TGFB1: variants seen among roughly 807,000 people sequenced by gnomAD.
The protein encoded by TGFB1 is transforming growth factor beta 1, also known as transforming growth factor beta-1 proprotein.
In TGFB1, 19 loss-of-function variants were observed where a neutral mutation model predicts 43.8. The ratio of observed to expected loss-of-function variants is 0.43; its 90% CI spans 0.30 to 0.64. The LOEUF (loss-of-function observed/expected upper bound fraction) is 0.64. TGFB1 is among the 30% of genes least tolerant of loss of function. The probability of loss-of-function intolerance (pLI) is 0.11; values close to 1 mark genes in which losing one functional copy is unlikely to be tolerated. For missense variants in TGFB1, 445 were observed against 529.8 expected (o/e 0.84, Z 1.57); for synonymous variants, 221 against 236.3 (o/e 0.94, Z 0.60).
chr19:41,351,017 A>G (rs889347090), intron 1 of TGFB1: 2 of 152,524 alleles, frequency 1.3e-5, no homozygotes, highest in Non-Finnish European at 2.9e-5. Context: ...GGGAGAGAAA[A>G]TAGTCGGAGA....
At chr19:41,351,811 T>C (rs555213249) in intron 1 of TGFB1, among the ~76,000 whole-genome samples, 60 of 37,592 alleles carry the variant, frequency 1.6e-3, no homozygotes, top group African/African-American at 8.5e-3. Flanking sequence ...GAATGCAGCG[T>C]GGATGGCGCT....
Position 41,330,994 on chromosome 19 carries a change from C to T in TGFB1, c.*58G>A. 3 of 960,102 alleles carry T rather than the reference C, an allele frequency of 3.1e-6. No individual in the cohort carries two copies. Among genetic ancestry groups the T allele is most frequent in the East Asian group, 9.1e-5 (1 of 10,980 alleles). 59.5% of individuals were successfully genotyped at this position (960,102 alleles called of 1,614,324 possible). A position where few individuals can be genotyped will look rare whatever the true frequency, so the allele number is the denominator to read the frequency against. ...AATACAGCCCCCATGGGCAAGGCAG[C>T]GGGGGCGGGGCGGGGTGGGGCCGGG... On this transcript the variant is annotated 3_prime_UTR_variant, in exon 7 of 7. Transcript: ENST00000221930.
intron 6 of TGFB1, chr19:41,331,926 C>A: frequency 1.5e-6 from 1 of 646,226 alleles, no homozygotes; most frequent in Non-Finnish European, 2.6e-6. Context: ...CATAGCTCAT[C>A]TCCCTCTGGC....
chr19:41,341,836 G>C (rs2038058879), intron 5 of TGFB1, 47 bp downstream of exon 5: 1 of 1,611,494 alleles, frequency 6.2e-7, no homozygotes, highest in African/African-American at 1.3e-5. Context: ...GCAGATGGCA[G>C]TCATGCCCCC....
intron 2 of TGFB1, among the ~76,000 whole-genome samples, chr19:41,345,623 T>C (rs1387246928): frequency 6.6e-6 from 1 of 150,708 alleles, no homozygotes; most frequent in Non-Finnish European, 1.5e-5. Context: ...TGATTCCGGC[T>C]GGGCACGGTG....
intron 2 of TGFB1, among the ~76,000 whole-genome samples, chr19:41,346,828 C>T (rs573234602): frequency 3.3e-5 from 5 of 151,996 alleles, no homozygotes; most frequent in South Asian, 2.1e-4. Flanking sequence ...TGGGGTCAAG[C>T]GATTCTCCCA....
At position 41,344,834 on chromosome 19, in the gene TGFB1, T is replaced by C; in HGVS notation, c.547A>G (p.Ser183Gly). 1 of 1,604,012 alleles carries C rather than the reference T, an allele frequency of 6.2e-7. No homozygotes were observed. The highest frequency in any genetic ancestry group is 8.5e-7 in the Non-Finnish European group (1 of 1,175,156). ...TCGCTGGGTGCCAGCAGCCGGTTGC[T>C]GAGGTATCGCCAGGAATTGTTGCTG... Reference protein sequence around the residue: ...KYSNNSWRYLSNRLLAPSDSP... With the variant: ...KYSNNSWRYLGNRLLAPSDSP... The change falls in exon 3 of 7, where the codon AGC becomes GGC. Residue 183 changes from serine to glycine, a missense_variant. By Grantham distance (56) the Ser-to-Gly change is moderately conservative. This residue lies in a region of TGFB1 where 366 missense variants were observed against 428.8 expected (regional missense o/e 0.85). Transcript: ENST00000221930.
At chr19:41,345,170 A>G (rs2038101883) in intron 2 of TGFB1, among the ~76,000 whole-genome samples, 2 of 152,198 alleles carry the variant, frequency 1.3e-5, no homozygotes, top group Middle Eastern at 3.2e-3. Context: ...AGCCCCACTC[A>G]GCGTGGACAG....
rs551552217 is a variant in TGFB1, at chr19:41,352,937, G to C, written c.108C>G (p.Ile36Met). Reference protein sequence around the residue: ...PAAGLSTCKTIDMELVKRKRI... With the variant: ...PAAGLSTCKTMDMELVKRKRI... ...GCTTCCGCTTCACCAGCTCCATGTC[G>C]ATAGTCTTGCAGGTGGATAGTCCCG... The change falls in exon 1 of 7, where the codon ATC becomes ATG. Residue 36 changes from isoleucine to methionine, a missense_variant. Ile to Met is a conservative substitution (Grantham distance 10). This residue lies in a region of TGFB1 where 366 missense variants were observed against 428.8 expected (regional missense o/e 0.85). Coordinates refer to ENST00000221930, the MANE Select transcript of TGFB1 (RefSeq NM_000660.7). The C allele has an allele frequency of 1.9e-6, 3 of 1,554,580 alleles. No homozygotes were observed. Among genetic ancestry groups the C allele is most frequent in the South Asian group, 2.3e-5 (2 of 85,226 alleles).
At chr19:41,343,198 G>C (rs1047971722) in intron 3 of TGFB1, among the ~76,000 whole-genome samples, 3 of 149,402 alleles carry the variant, frequency 2.0e-5, no homozygotes, top group Non-Finnish European at 3.0e-5. Context: ...GCAATGGCAC[G>C]ATCTTGGCTC....
At chr19:41,332,351 C>T (rs1370642507) in intron 5 of TGFB1, 70 bp from the exon 6 acceptor site, 1 of 1,549,922 alleles carries the variant, frequency 6.5e-7, no homozygotes, top group African/African-American at 1.4e-5. Context: ...CCCCTCCTCC[C>T]CAGGTGCGTG....
chr19:41,347,513 G>A (rs1340435086), intron 2 of TGFB1, among the ~76,000 whole-genome samples: 2 of 151,988 alleles, frequency 1.3e-5, no homozygotes, highest in South Asian at 2.1e-4. Flanking sequence ...ATCCTAGGAT[G>A]CAAAGAGTCT....
intron 1 of TGFB1, among the ~76,000 whole-genome samples, 177 bp downstream of exon 1, chr19:41,352,513 G>C (rs74865332): frequency 6.6e-6 from 1 of 152,132 alleles, no homozygotes; most frequent in African/African-American, 2.4e-5. Flanking sequence ...GGGTGGTAGG[G>C]GGCTCAGTGC....
intron 5 of TGFB1, 25 bp from the exon 6 acceptor site, chr19:41,332,306 G>A (rs761032649): frequency 5.6e-6 from 9 of 1,606,450 alleles, no homozygotes; most frequent in Non-Finnish European, 7.6e-6. Flanking sequence ...GACGCGTCAG[G>A]GGCAGGGAGG....
intron 1 of TGFB1, among the ~76,000 whole-genome samples, chr19:41,351,665 C>T (rs80224671): frequency 0.013 from 1,929 of 152,270 alleles, 41 homozygotes; most frequent in African/African-American, 0.044. Context: ...CTCCTCCCCC[C>T]GCGCGTGGCA....
rs573968848 is a variant in TGFB1, at chr19:41,332,352, C to T, written c.861-71G>A. The T allele has an allele frequency of 1.2e-5, 19 of 1,547,784 alleles. No homozygotes were observed. The African/African-American group carries it at 2.6e-4, about 21-fold the overall frequency. ...ATAGAAGCCACATGCCCCTCCTCCC[C>T]AGGTGCGTGTGTCACCCTAGGTTGC... On this transcript the variant is annotated intron_variant, in intron 5 of 6. Coordinates refer to ENST00000221930, the MANE Select transcript of TGFB1 (RefSeq NM_000660.7).
chr19:41,353,321 T>C lies in TGFB1; in HGVS notation c.-277A>G. 2.3e-6 allele frequency: 1 copy of C among 427,910 alleles called. No individual in the cohort carries two copies. The highest frequency in any genetic ancestry group is 4.2e-6 in the Non-Finnish European group (1 of 240,772). The allele number at this position is 427,910 out of a possible 1,614,324, so 26.5% of individuals were successfully genotyped here. ...CTGTGGCAGGTCGGAGAGAGATCCG[T>C]CTCCTGGAGGAGAAAGGGTCTAGGA... is the stretch of plus-strand genomic sequence containing the variant. On this transcript the variant is annotated 5_prime_UTR_variant, in exon 1 of 7. Transcript: ENST00000221930. The surrounding 1 kb of genome is among the most constrained non-coding windows in gnomAD (Gnocchi z 5.9).
intron 5 of TGFB1, among the ~76,000 whole-genome samples, chr19:41,340,168 T>C (rs1471192335): frequency 3.3e-5 from 5 of 152,048 alleles, no homozygotes; most frequent in Non-Finnish European, 7.4e-5. Context: ...TTGGCATTCC[T>C]GAATTCCAGT....
chr19:41,348,903 T>C (rs2038150149), intron 1 of TGFB1, among the ~76,000 whole-genome samples: 1 of 152,076 alleles, frequency 6.6e-6, no homozygotes, highest in Admixed American at 6.6e-5. Flanking sequence ...ATTACAGGTG[T>C]GAGCCACCAC....
Sources: allele counts gnomAD v4.1 joint callset (sites outside exome capture counted in the v4.1 genomes callset), GRCh38; gene constraint gnomAD v4.1.1; regional missense constraint gnomAD v4.1.1; non-coding constraint Gnocchi (gnomAD v3.1); transcripts MANE v1.5; gene names NCBI Gene and HGNC (gene_info 2026-07-23, HGNC 2026-07-21).